LGSN: variants seen among roughly 807,000 people sequenced by gnomAD.
LGSN encodes lengsin.
In LGSN, 21 loss-of-function variants were observed where a neutral mutation model predicts 19.5. The ratio of observed to expected loss-of-function variants is 1.07; its 90% CI spans 0.76 to 1.55. LGSN has a LOEUF of 1.55. Ranked by LOEUF, LGSN falls within the 40% of genes most tolerant of loss-of-function variation. LGSN has a pLI of 0.00. For synonymous variants in LGSN, 257 were observed against 215.6 expected (o/e 1.19, Z -1.68); for missense variants, 673 against 608.5 (o/e 1.11, Z -1.12).
the LGSN span, among the ~76,000 whole-genome samples, chr6:63,385,525 G>A: frequency 6.6e-6 from 1 of 152,228 alleles, no homozygotes; most frequent in South Asian, 2.1e-4. Flanking sequence ...AGCTAAGGCT[G>A]TTTCAGCAGT....
At chr6:63,377,519 T>C in the LGSN span, among the ~76,000 whole-genome samples, 1 of 152,146 alleles carries the variant, frequency 6.6e-6, no homozygotes, top group African/African-American at 2.4e-5. Context: ...GTGTGATAAG[T>C]GCAGGATAAT....
At chr6:63,558,573 T>G in the LGSN span, among the ~76,000 whole-genome samples, 1 of 152,220 alleles carries the variant, frequency 6.6e-6, no homozygotes, top group Non-Finnish European at 1.5e-5. Context: ...TGGCTCAGCC[T>G]AAACCATGTT....
intron 1 of LGSN, among the ~76,000 whole-genome samples, chr6:63,295,889 T>A (rs1767963479): frequency 6.6e-6 from 1 of 152,078 alleles, no homozygotes; most frequent in Non-Finnish European, 1.5e-5. Flanking sequence ...TTTTTAAGGT[T>A]TTTTACAAAC....
the LGSN span, among the ~76,000 whole-genome samples, chr6:63,391,611 T>C: frequency 2.0e-5 from 3 of 152,320 alleles, no homozygotes; most frequent in Middle Eastern, 0.01. Flanking sequence ...TGTCTCTAGT[T>C]CCTGCTCACT....
At chr6:63,573,019 G>C in the LGSN span, among the ~76,000 whole-genome samples, 1 of 152,120 alleles carries the variant, frequency 6.6e-6, no homozygotes, top group Non-Finnish European at 1.5e-5. Context: ...CGGCTTCTGC[G>C]GCGGCCGGGG....
At chr6:63,516,962 G>C in the LGSN span, among the ~76,000 whole-genome samples, 1 of 152,194 alleles carries the variant, frequency 6.6e-6, no homozygotes, top group African/African-American at 2.4e-5. Context: ...GACTCTTCTG[G>C]ATTTCTTGAA....
the LGSN span, among the ~76,000 whole-genome samples, chr6:63,531,806 A>G: frequency 5.9e-5 from 9 of 151,320 alleles, no homozygotes; most frequent in Admixed American, 2.0e-4. Context: ...TAACACTTTT[A>G]TCTGCATGTT....
At chr6:63,328,000 T>C in the LGSN span, among the ~76,000 whole-genome samples, 7 of 152,344 alleles carry the variant, frequency 4.6e-5, no homozygotes, top group African/African-American at 1.2e-4. Flanking sequence ...GGAACTCCCA[T>C]TCTTTCCATA....
the LGSN span, among the ~76,000 whole-genome samples, chr6:63,379,413 G>C: frequency 6.6e-6 from 1 of 152,134 alleles, no homozygotes; most frequent in African/African-American, 2.4e-5. Context: ...CTTAAAGAAG[G>C]GCCTCAGCGT....
At chr6:63,377,288 G>T in the LGSN span, among the ~76,000 whole-genome samples, 298 of 152,242 alleles carry the variant, frequency 2.0e-3, 2 homozygotes, top group African/African-American at 7.1e-3. Context: ...AACCCAGAAG[G>T]TGTAAGAGGT....
At chr6:63,439,358 T>A in the LGSN span, among the ~76,000 whole-genome samples, 2 of 151,792 alleles carry the variant, frequency 1.3e-5, no homozygotes, top group African/African-American at 4.8e-5. Flanking sequence ...AGTATAATAA[T>A]AATACAATTA....
At chr6:63,422,384 A>T in the LGSN span, among the ~76,000 whole-genome samples, 1 of 152,138 alleles carries the variant, frequency 6.6e-6, no homozygotes, top group Non-Finnish European at 1.5e-5. Context: ...ATCTTAAAAC[A>T]GTAAGAGATG....
At chr6:63,526,817 ATATATATATATATATATATT>A in the LGSN span, among the ~76,000 whole-genome samples, 5 of 142,374 alleles carry the variant, frequency 3.5e-5, 1 homozygote, top group African/African-American at 1.3e-4. Flanking sequence ...ATATATATAT[ATATATATATATATATATATT>A]TATTTATTTA....
At chr6:63,386,997 A>G in the LGSN span, among the ~76,000 whole-genome samples, 3 of 152,136 alleles carry the variant, frequency 2.0e-5, no homozygotes, top group African/African-American at 4.8e-5. Context: ...GCAACTCAGG[A>G]GGCTGAGGCA....
chr6:63,439,606 C>T, the LGSN span, among the ~76,000 whole-genome samples: 1 of 152,286 alleles, frequency 6.6e-6, no homozygotes, highest in African/African-American at 2.4e-5. Context: ...TTGTTCCAAA[C>T]AGTCTTTCCA....
chr6:63,567,467 T>A, the LGSN span, among the ~76,000 whole-genome samples: 1 of 152,348 alleles, frequency 6.6e-6, no homozygotes, highest in African/African-American at 2.4e-5. Context: ...ATAGTATTTT[T>A]AAATAAATCA....
chr6:63,547,121 T>C, the LGSN span, among the ~76,000 whole-genome samples: 1 of 151,922 alleles, frequency 6.6e-6, no homozygotes, highest in African/African-American at 2.4e-5. Context: ...TCAGATATAA[T>C]AAGATTAATC....
chr6:63,444,982 T>C, the LGSN span, among the ~76,000 whole-genome samples: 5 of 152,164 alleles, frequency 3.3e-5, no homozygotes, highest in East Asian at 3.8e-4. Flanking sequence ...GTAGCTTCCA[T>C]GGAAAAGTGC....
the LGSN span, among the ~76,000 whole-genome samples, chr6:63,467,859 T>C: frequency 3.9e-5 from 6 of 151,994 alleles, no homozygotes. Flanking sequence ...GCCCAGCTAA[T>C]TTTTGTATTT....
Sources: gnomAD v4.1 joint callset for allele counts (sites outside exome capture counted in the v4.1 genomes callset) on GRCh38, gnomAD v4.1.1 for gene constraint, MANE v1.5 for transcripts, NCBI Gene and HGNC (gene_info 2026-07-23, HGNC 2026-07-21) for gene names.